Variants in FAM120A observed in about 807,000 individuals in gnomAD.
FAM120A encodes the protein constitutive coactivator of PPAR-gamma-like protein 1.
Under a neutral mutation model 109.7 loss-of-function variants are expected in FAM120A, and 15 were observed. The ratio of observed to expected loss-of-function variants is 0.14; its 90% CI spans 0.09 to 0.21. The LOEUF (loss-of-function observed/expected upper bound fraction) is 0.21. FAM120A is among the 10% of genes least tolerant of loss of function. The pLI is 1.00. For synonymous variants in FAM120A, 493 were observed against 572.8 expected, an observed-to-expected ratio of 0.86 and a Z score of 1.99; for missense variants, 899 against 1,439.3, an observed-to-expected ratio of 0.62 and a Z score of 6.07.
chr9:93,529,288 A>G lies in FAM120A; in HGVS notation c.1507-65A>G, dbSNP rs554611598. The stretch of plus-strand genomic sequence containing the variant: ...TCTGTCAGGTGAACAGGCACCTACC[A>G]TACTTTAAATGAATGAAAACATGAC... On this transcript the variant is annotated intron_variant, in intron 8 of 17. Transcript: ENST00000277165. 9 of 1,415,532 alleles carry G rather than the reference A, an allele frequency of 6.4e-6. No homozygotes were observed. In the Admixed American group the frequency reaches 9.3e-5, roughly 15 times the overall value. 87.7% of individuals were successfully genotyped at this position (1,415,532 alleles called of 1,614,324 possible).
intron 8 of FAM120A, among the ~76,000 whole-genome samples, chr9:93,528,683 C>T (rs1453914662): frequency 6.6e-6 from 1 of 152,188 alleles, no homozygotes; most frequent in Non-Finnish European, 1.5e-5. Context: ...ATCCATAGAT[C>T]TGAGACATTG....
intron 11 of FAM120A, among the ~76,000 whole-genome samples, chr9:93,548,260 C>T (rs1405125359): frequency 2.0e-5 from 3 of 152,094 alleles, no homozygotes; most frequent in East Asian, 1.9e-4. Context: ...CCCGCCACCA[C>T]GCCCGGCTAA....
chr9:93,528,043 AG>A (rs774557453), intron 8 of FAM120A, among the ~76,000 whole-genome samples: 10 of 152,194 alleles, frequency 6.6e-5, no homozygotes, highest in African/African-American at 9.7e-5. Context: ...TCCTGCCTGA[AG>A]GTTTTGGTGG....
At chr9:93,531,321 C>CAT (rs1396028673) in intron 9 of FAM120A, 2 of 152,184 alleles carry the variant, frequency 1.3e-5, no homozygotes, top group Non-Finnish European at 2.9e-5. Flanking sequence ...TTATTTAAAG[C>CAT]ATATATATCA....
chr9:93,467,554 G>A (rs995017241), intron 1 of FAM120A, among the ~76,000 whole-genome samples: 10 of 152,082 alleles, frequency 6.6e-5, no homozygotes, highest in African/African-American at 1.9e-4. Context: ...AGGAGACTTG[G>A]GATAGGAAAG....
At chr9:93,480,607 TG>T (rs1212761787) in intron 3 of FAM120A, among the ~76,000 whole-genome samples, 1 of 152,006 alleles carries the variant, frequency 6.6e-6, no homozygotes, top group African/African-American at 2.4e-5. Context: ...TTTATGTACC[TG>T]GAAGAGTTGA....
intron 1 of FAM120A, among the ~76,000 whole-genome samples, chr9:93,469,899 A>C (rs1858233665): frequency 6.6e-6 from 1 of 152,148 alleles, no homozygotes; most frequent in Non-Finnish European, 1.5e-5. Flanking sequence ...TTTTATTATG[A>C]AAGTTGGTGA....
chr9:93,493,262 C>G (rs1248319166), intron 3 of FAM120A, among the ~76,000 whole-genome samples: 1 of 152,106 alleles, frequency 6.6e-6, no homozygotes, highest in Admixed American at 6.5e-5. Context: ...GTGTTCAAAC[C>G]AAAGTTTATT....
At chr9:93,550,510 C>G in intron 11 of FAM120A, 67 bp from the exon 12 acceptor site, 1 of 1,190,688 alleles carries the variant, frequency 8.4e-7, no homozygotes, top group Non-Finnish European at 1.2e-6. Flanking sequence ...GAACCTCCCA[C>G]TGGACTTGTC....
chr9:93,547,910 G>C (rs1861946132), intron 11 of FAM120A, among the ~76,000 whole-genome samples: 1 of 152,110 alleles, frequency 6.6e-6, no homozygotes, highest in Non-Finnish European at 1.5e-5. Flanking sequence ...AAGGTGTTCA[G>C]AGGACCTATG....
intron 10 of FAM120A, 115 bp from the exon 11 acceptor site, chr9:93,543,107 T>C: frequency 2.3e-6 from 3 of 1,315,282 alleles, no homozygotes; most frequent in South Asian, 1.4e-5. Flanking sequence ...AGAGAATGCA[T>C]TGTTACCTGA....
At chr9:93,485,893 G>C (rs1362279084) in intron 3 of FAM120A, among the ~76,000 whole-genome samples, 1 of 149,438 alleles carries the variant, frequency 6.7e-6, no homozygotes, top group East Asian at 1.9e-4. Context: ...CACAACATGT[G>C]GTCTTTATGT....
intron 5 of FAM120A, among the ~76,000 whole-genome samples, chr9:93,513,035 T>C (rs1860404209): frequency 6.6e-6 from 1 of 152,242 alleles, no homozygotes; most frequent in South Asian, 2.1e-4. Flanking sequence ...TTCACTTGAA[T>C]GCGGGTGCTA....
At position 93,498,535 on chromosome 9, in the gene FAM120A, A is replaced by G. The variant is rs1170795251; in HGVS notation, c.934-255A>G. 1.3e-5 allele frequency among the ~76,000 whole-genome samples: 2 copies of G among 152,174 alleles called. No homozygotes were observed. The highest frequency in any genetic ancestry group is 4.8e-5 in the African/African-American group (2 of 41,446). ...AGAGTGGAAGTCAGGGAAGTCCTAGAGCTAGAACCCAGGGCCCTGACTACC... is the reference window on the plus strand; with the variant it reads ...AGAGTGGAAGTCAGGGAAGTCCTAGGGCTAGAACCCAGGGCCCTGACTACC... On this transcript the variant is annotated intron_variant, in intron 4 of 17. Transcript: ENST00000277165. The surrounding 1 kb of genome is among the most constrained non-coding windows in gnomAD (Gnocchi z 4.4).
chr9:93,468,226 C>T (rs192205525), intron 1 of FAM120A, among the ~76,000 whole-genome samples: 14 of 152,298 alleles, frequency 9.2e-5, no homozygotes, highest in Middle Eastern at 3.4e-3. Context: ...TTGGCCTGTA[C>T]TGGATAGACT....
chr9:93,506,397 T>C (rs1211349134), intron 5 of FAM120A, among the ~76,000 whole-genome samples: 1 of 152,230 alleles, frequency 6.6e-6, no homozygotes, highest in Non-Finnish European at 1.5e-5. Context: ...ATATTTATTT[T>C]TGGGTGCTAT....
Position 93,451,826 on chromosome 9 carries a change from C to CG in FAM120A, c.-89dup. Reference sequence around the variant, plus strand: ...AGTCCCCCCTAGAGGCCGCCGCCCCCGCCCGCCAGCCCGCCCGCGCGCCAC... The same window carrying CG: ...AGTCCCCCCTAGAGGCCGCCGCCCCCGGCCCGCCAGCCCGCCCGCGCGCCAC... On this transcript the variant is annotated 5_prime_UTR_variant, in exon 1 of 18. Transcript: ENST00000277165. The CG allele has an allele frequency of 1.0e-6, 1 of 968,136 alleles. No individual in the cohort carries two copies. Among genetic ancestry groups the CG allele is most frequent in the Non-Finnish European group, 1.2e-6 (1 of 817,710 alleles). 60.0% of individuals were successfully genotyped at this position (968,136 alleles called of 1,614,324 possible). A position where few individuals can be genotyped will look rare whatever the true frequency, so the allele number is the denominator to read the frequency against.
chr9:93,524,803 G>T (rs543742679), intron 7 of FAM120A, among the ~76,000 whole-genome samples: 4 of 152,288 alleles, frequency 2.6e-5, no homozygotes, highest in African/African-American at 9.6e-5. Context: ...GGATGAGATT[G>T]TGAGAGCGCC....
chr9:93,453,581 TA>T, intron 1 of FAM120A: 2 of 985,300 alleles, frequency 2.0e-6, no homozygotes, highest in East Asian at 1.1e-4. Flanking sequence ...TAGTTAAGCC[TA>T]AAATGATAGC....
Sources: allele counts gnomAD v4.1 joint callset (sites outside exome capture counted in the v4.1 genomes callset), GRCh38; gene constraint gnomAD v4.1.1; non-coding constraint Gnocchi (gnomAD v3.1); transcripts MANE v1.5; gene names NCBI Gene and HGNC (gene_info 2026-07-23, HGNC 2026-07-21).